The following RALGAPA2 variants were observed in gnomAD, a reference collection of about 807,000 sequenced individuals.
The protein encoded by RALGAPA2 is ral GTPase-activating protein subunit alpha-2.
In RALGAPA2, 139 loss-of-function variants were observed where a neutral mutation model predicts 230.4. The observed-to-expected ratio is 0.60, with a 90% CI of 0.53 to 0.69. The LOEUF is 0.69. Among genes scored for constraint, RALGAPA2 ranks in the 30% least tolerant of loss-of-function variants. The pLI is 0.00. For missense variants in RALGAPA2, 2,163 were observed against 2,276.0 expected, an observed-to-expected ratio of 0.95 and a Z score of 1.01; for synonymous variants, 847 against 837.8, an observed-to-expected ratio of 1.01 and a Z score of -0.19.
At chr20:20,582,660 C>T (rs1216556673) in intron 20 of RALGAPA2, among the ~76,000 whole-genome samples, 2 of 152,102 alleles carry the variant, frequency 1.3e-5, no homozygotes, top group Non-Finnish European at 2.9e-5. Context: ...CCTGCTAGTT[C>T]TTAAGTTGGG....
chr20:20,590,372 G>A (rs528265516), intron 17 of RALGAPA2, among the ~76,000 whole-genome samples: 1 of 152,192 alleles, frequency 6.6e-6, no homozygotes, highest in Non-Finnish European at 1.5e-5. Flanking sequence ...ATTTTCTGAA[G>A]CTTTTACTGT....
At chr20:20,658,710 T>C (rs2067672462) in intron 3 of RALGAPA2, among the ~76,000 whole-genome samples, 1 of 152,234 alleles carries the variant, frequency 6.6e-6, no homozygotes, top group South Asian at 2.1e-4. Context: ...TCCATAGTTC[T>C]TTTTTCTTCA....
intron 37 of RALGAPA2, among the ~76,000 whole-genome samples, chr20:20,422,326 C>T (rs566487100): frequency 1.3e-5 from 2 of 152,198 alleles, no homozygotes; most frequent in South Asian, 2.1e-4. Flanking sequence ...AGGCTGGGTG[C>T]AATGGCTCAC....
At chr20:20,676,789 T>C (rs2068338542) in intron 2 of RALGAPA2, among the ~76,000 whole-genome samples, 1 of 152,212 alleles carries the variant, frequency 6.6e-6, no homozygotes, top group Non-Finnish European at 1.5e-5. Context: ...GTACCAAGCA[T>C]CGTGCTAAGT....
At chr20:20,515,518 G>A (rs986228491) in intron 31 of RALGAPA2, among the ~76,000 whole-genome samples, 12 of 152,192 alleles carry the variant, frequency 7.9e-5, no homozygotes, top group African/African-American at 2.7e-4. Flanking sequence ...TCAGTCGGGG[G>A]AGACTACCTT....
At chr20:20,440,962 C>G (rs775658118) in intron 37 of RALGAPA2, among the ~76,000 whole-genome samples, 1 of 152,160 alleles carries the variant, frequency 6.6e-6, no homozygotes, top group Non-Finnish European at 1.5e-5. Context: ...AGCAATAGCC[C>G]CAGCTAGAAG....
intron 38 of RALGAPA2, among the ~76,000 whole-genome samples, chr20:20,410,026 G>A (rs2060028128): frequency 6.6e-6 from 1 of 152,224 alleles, no homozygotes; most frequent in African/African-American, 2.4e-5. Flanking sequence ...AGCGGAGGGA[G>A]TAGCATTTGT....
In RALGAPA2 at chr20:20,712,107, G is replaced by A. The variant is rs954305396; in HGVS notation, c.106+268C>T. Among the ~76,000 whole-genome samples the A allele has an allele frequency of 2.6e-5, 4 of 152,116 alleles. No individual in the cohort carries two copies. Among genetic ancestry groups the A allele is most frequent in the Non-Finnish European group, 5.9e-5 (4 of 68,010 alleles). On this transcript the variant is annotated intron_variant, in intron 1 of 39. Coordinates refer to ENST00000202677, the MANE Select transcript of RALGAPA2 (RefSeq NM_020343.4). The surrounding 1 kb of genome is among the most constrained non-coding windows in gnomAD (Gnocchi z 5.5). Reference sequence around the variant, plus strand: ...CAGGGGACAGGTACCTCTGTGCCCGGCCTCCAGGTTCTCCGGGAGCGCAGG... The same window carrying A: ...CAGGGGACAGGTACCTCTGTGCCCGACCTCCAGGTTCTCCGGGAGCGCAGG...
At chr20:20,620,183 G>C (rs1348322776) in intron 11 of RALGAPA2, among the ~76,000 whole-genome samples, 1 of 152,208 alleles carries the variant, frequency 6.6e-6, no homozygotes, top group Admixed American at 6.5e-5. Flanking sequence ...TGTAAAATAT[G>C]ATGGCTTATT....
chr20:20,460,026 C>T (rs1397403433), intron 37 of RALGAPA2, among the ~76,000 whole-genome samples: 2 of 152,188 alleles, frequency 1.3e-5, no homozygotes, highest in African/African-American at 4.8e-5. Flanking sequence ...CTCACCTCTG[C>T]CTGCCCTCTA....
At position 20,531,713 on chromosome 20, in the gene RALGAPA2, T is replaced by C. The variant is rs1300012505; in HGVS notation, c.3556A>G (p.Ile1186Val). Residue 1186 changes from isoleucine to valine, a missense_variant, in exon 27 of 40, where the codon ATC becomes GTC. Ile to Val is a conservative substitution (Grantham distance 29). Transcript: ENST00000202677. ...TTCAGAGTTACTCCTATCACATTGA[T>C]GGCCTCTTTCACCTGAGGGTGGCTT... ...CTSHPQVKEA[I>V]NVIGVTLKFP... 2 of 1,607,416 alleles carry C rather than the reference T, an allele frequency of 1.2e-6. No homozygotes were observed. The highest frequency in any genetic ancestry group is 1.7e-6 in the Non-Finnish European group (2 of 1,176,522).
intron 1 of RALGAPA2, among the ~76,000 whole-genome samples, chr20:20,699,439 C>T (rs1278506529): frequency 6.6e-6 from 1 of 152,174 alleles, no homozygotes; most frequent in Non-Finnish European, 1.5e-5. Flanking sequence ...TTATTAGATA[C>T]TATAGAGTCC....
At chr20:20,476,823 T>C (rs889144395) in intron 36 of RALGAPA2, among the ~76,000 whole-genome samples, 2 of 151,700 alleles carry the variant, frequency 1.3e-5, no homozygotes, top group Non-Finnish European at 1.5e-5. Flanking sequence ...AGCCACAAGG[T>C]CCATCCAGAG....
chr20:20,649,875 A>C (rs1235019539), intron 4 of RALGAPA2, among the ~76,000 whole-genome samples: 2 of 152,158 alleles, frequency 1.3e-5, no homozygotes, highest in African/African-American at 4.8e-5. Context: ...ACTCTCTATC[A>C]GTTCTAATTA....
rs188526300 is a variant in RALGAPA2 at position 20,603,136 on chromosome 20, C to T, written c.2039-1290G>A. On this transcript the variant is annotated intron_variant, in intron 15 of 39. Coordinates refer to ENST00000202677, the MANE Select transcript of RALGAPA2 (RefSeq NM_020343.4). ...CCTACTTCAATCCTAAATCTCCAGT[C>T]TATTTCTTTAGAAAGGAGTTGTGTA... 2.6e-5 allele frequency among the ~76,000 whole-genome samples: 4 copies of T among 152,238 alleles called. No individual in the cohort carries two copies. In the East Asian group the frequency reaches 7.7e-4, roughly 29 times the overall value.
intron 24 of RALGAPA2, among the ~76,000 whole-genome samples, chr20:20,542,561 C>T (rs6046922): frequency 1 from 151,809 of 152,292 alleles, 75,667 homozygotes; most frequent in Middle Eastern, 1. Context: ...CCAAAACAGA[C>T]ACATAGACCA....
At chr20:20,591,608 GGGCCA>G (rs1439417172) in intron 16 of RALGAPA2, among the ~76,000 whole-genome samples, 1 of 152,012 alleles carries the variant, frequency 6.6e-6, no homozygotes, top group East Asian at 1.9e-4. Context: ...TGACATTTCA[GGGCCA>G]GGCATGCCAA....
intron 11 of RALGAPA2, 131 bp from the exon 12 acceptor site, chr20:20,619,545 A>C: frequency 5.5e-6 from 4 of 722,810 alleles, no homozygotes; most frequent in Non-Finnish European, 7.2e-6. Context: ...CCTTAAACTC[A>C]CCAGGATTCA....
intron 23 of RALGAPA2, among the ~76,000 whole-genome samples, chr20:20,558,982 A>G (rs1469239584): frequency 6.6e-6 from 1 of 152,166 alleles, no homozygotes; most frequent in Non-Finnish European, 1.5e-5. Flanking sequence ...TTCCCAGCCT[A>G]TGCCCAAGAA....
Sources: gnomAD v4.1 joint callset for allele counts (sites outside exome capture counted in the v4.1 genomes callset) on GRCh38, gnomAD v4.1.1 for gene constraint, Gnocchi (gnomAD v3.1) non-coding constraint, MANE v1.5 for transcripts, NCBI Gene and HGNC (gene_info 2026-07-23, HGNC 2026-07-21) for gene names.